Variants in MARCHF8 observed in about 807,000 individuals in gnomAD.
The protein encoded by MARCHF8 is E3 ubiquitin-protein ligase MARCHF8.
MARCHF8 carries 40 observed loss-of-function variants against 51.6 expected under a neutral mutation model. That is an observed-to-expected ratio of 0.77 (90% CI 0.60 to 1.01). The LOEUF (loss-of-function observed/expected upper bound fraction) is 1.01, where lower values mean the gene tolerates loss of function less well. Ranked by LOEUF, MARCHF8 falls within the 50% of genes least tolerant of loss-of-function variation. MARCHF8 has a pLI of 0.00. For missense variants in MARCHF8, 685 were observed against 708.6 expected (o/e 0.97, Z 0.38); for synonymous variants, 263 against 280.3 (o/e 0.94, Z 0.62).
intron 2 of MARCHF8, among the ~76,000 whole-genome samples, chr10:45,495,543 A>G (rs896471328): frequency 1.1e-4 from 17 of 152,062 alleles, no homozygotes; most frequent in Non-Finnish European, 7.4e-5. Context: ...TACTTCCCTT[A>G]TATGATTAAA....
chr10:45,455,959 G>A lies in MARCHF8; in HGVS notation c.*2280C>T, dbSNP rs1045647266. On this transcript the variant is annotated 3_prime_UTR_variant, in exon 8 of 8. Coordinates refer to ENST00000453424, the MANE Select transcript of MARCHF8 (RefSeq NM_001282866.2). ...TAGTGGGGTGCCAGCTACATTGGGTGGGATGCCCAGGGGCTGTCCCTACCT... is the reference window on the plus strand; with the variant it reads ...TAGTGGGGTGCCAGCTACATTGGGTAGGATGCCCAGGGGCTGTCCCTACCT... 3 of 152,258 alleles carry A rather than the reference G, an allele frequency of 2.0e-5. No individual in the cohort carries two copies. The highest frequency in any genetic ancestry group is 7.2e-5 in the African/African-American group (3 of 41,452). 9.4% of individuals were successfully genotyped at this position (152,258 alleles called of 1,614,324 possible).
intron 3 of MARCHF8, among the ~76,000 whole-genome samples, chr10:45,475,965 C>T (rs34661476): frequency 0.062 from 9,433 of 152,184 alleles, 330 homozygotes; most frequent in Non-Finnish European, 0.067. Context: ...ACAAACATGA[C>T]TTATAGCCAA....
At chr10:45,552,111 TC>T (rs1269690652) in intron 1 of MARCHF8, among the ~76,000 whole-genome samples, 1 of 152,122 alleles carries the variant, frequency 6.6e-6, no homozygotes, top group Non-Finnish European at 1.5e-5. Context: ...AATTTGTGCT[TC>T]CTTATGACTA....
intron 1 of MARCHF8, among the ~76,000 whole-genome samples, chr10:45,542,302 G>A (rs756816636): frequency 1.1e-4 from 14 of 128,866 alleles, no homozygotes; most frequent in Non-Finnish European, 1.5e-4. Flanking sequence ...AGCCGAGACC[G>A]TCCTACCGCA....
intron 2 of MARCHF8, among the ~76,000 whole-genome samples, chr10:45,530,877 GGA>G: frequency 6.6e-6 from 1 of 152,156 alleles, no homozygotes; most frequent in African/African-American, 2.4e-5. Context: ...ACAGAAAAGA[GGA>G]CTAAAACTGT....
At chr10:45,462,720 G>C (rs1294593737) in intron 5 of MARCHF8, among the ~76,000 whole-genome samples, 3 of 151,922 alleles carry the variant, frequency 2.0e-5, no homozygotes, top group Non-Finnish European at 4.4e-5. Context: ...CCGCCTCCCG[G>C]GTTCAAGCAA....
rs112327057 is a variant in MARCHF8 at position 45,527,617 on chromosome 10, A to T, written c.102+5493T>A. On this transcript the variant is annotated intron_variant, in intron 2 of 7. Coordinates refer to ENST00000453424, the MANE Select transcript of MARCHF8 (RefSeq NM_001282866.2). ...GTAAGACTTAACCAGTAATAAAAAT[A>T]AAAAAAAATCTCCCAACAACAAAAA... Among the ~76,000 whole-genome samples the T allele has an allele frequency of 1.1e-4, 16 of 151,302 alleles. No individual in the cohort carries two copies. In the East Asian group the frequency reaches 2.3e-3, roughly 22 times the overall value.
At chr10:45,547,497 C>T (rs1024437400) in intron 1 of MARCHF8, among the ~76,000 whole-genome samples, 3 of 152,090 alleles carry the variant, frequency 2.0e-5, no homozygotes, top group African/African-American at 4.8e-5. Flanking sequence ...CCTGACTAAG[C>T]GGGGATTCCA....
intron 3 of MARCHF8, among the ~76,000 whole-genome samples, chr10:45,485,002 T>C (rs1033588070): frequency 6.6e-5 from 10 of 152,186 alleles, no homozygotes; most frequent in African/African-American, 2.2e-4. Flanking sequence ...TGGTTTGGGA[T>C]AGATTCTTGA....
chr10:45,514,128 G>A (rs926014759), intron 2 of MARCHF8, among the ~76,000 whole-genome samples: 12 of 152,128 alleles, frequency 7.9e-5, no homozygotes, highest in African/African-American at 2.7e-4. Context: ...AATACTTTTC[G>A]CAATTTCAAG....
chr10:45,566,767 T>C (rs759983002), intron 1 of MARCHF8, among the ~76,000 whole-genome samples: 6 of 121,556 alleles, frequency 4.9e-5, no homozygotes, highest in Non-Finnish European at 8.4e-5. Flanking sequence ...ATTGATTTCT[T>C]TCTGGCGGGG....
rs990552972 is a variant in MARCHF8, at chr10:45,457,541, C to A, written c.*698G>T. The A allele has an allele frequency of 1.3e-5, 2 of 152,612 alleles. No individual in the cohort carries two copies. Among genetic ancestry groups the A allele is most frequent in the Non-Finnish European group, 1.5e-5 (1 of 68,040 alleles). The allele number at this position is 152,612 out of a possible 1,614,324, so 9.5% of individuals were successfully genotyped here. A position where few individuals can be genotyped will look rare whatever the true frequency, so the allele number is the denominator to read the frequency against. Reference sequence around the variant, plus strand: ...ATGTAAGGCAAAATGGATTTTTGATCTCTCATGATGTAAAGGAGATACAAA... The same window carrying A: ...ATGTAAGGCAAAATGGATTTTTGATATCTCATGATGTAAAGGAGATACAAA... On this transcript the variant is annotated 3_prime_UTR_variant, in exon 8 of 8. Transcript: ENST00000453424.
intron 1 of MARCHF8, among the ~76,000 whole-genome samples, chr10:45,588,389 T>C (rs1245787325): frequency 6.6e-6 from 1 of 152,210 alleles, no homozygotes; most frequent in Non-Finnish European, 1.5e-5. Context: ...TGATGATTCT[T>C]TTTTGAGTGC....
chr10:45,590,063 CTTA>C (rs1239558107), intron 1 of MARCHF8, among the ~76,000 whole-genome samples: 3 of 152,168 alleles, frequency 2.0e-5, no homozygotes, highest in African/African-American at 7.2e-5. Context: ...ATCACCAACA[CTTA>C]TTATTACCTG....
At chr10:45,490,595 C>T (rs938268875) in intron 2 of MARCHF8, among the ~76,000 whole-genome samples, 5 of 151,824 alleles carry the variant, frequency 3.3e-5, no homozygotes, top group East Asian at 1.9e-4. Flanking sequence ...CAAACAACTA[C>T]GATCATCTTC....
chr10:45,467,563 C>G (rs544390091), intron 3 of MARCHF8, among the ~76,000 whole-genome samples: 3 of 152,272 alleles, frequency 2.0e-5, no homozygotes, highest in Admixed American at 1.3e-4. Flanking sequence ...GCCTGATCAA[C>G]AACAAAATGA....
At chr10:45,548,530 A>C (rs2044155117) in intron 1 of MARCHF8, among the ~76,000 whole-genome samples, 1 of 152,238 alleles carries the variant, frequency 6.6e-6, no homozygotes, top group Non-Finnish European at 1.5e-5. Flanking sequence ...ATCTCAGGGA[A>C]ATTATGGAAT....
At chr10:45,587,106 G>A (rs532157837) in intron 1 of MARCHF8, among the ~76,000 whole-genome samples, 1 of 152,216 alleles carries the variant, frequency 6.6e-6, no homozygotes, top group African/African-American at 2.4e-5. Flanking sequence ...GTCCTCATCA[G>A]TGTCATAAGG....
Position 45,593,716 on chromosome 10 carries a change from C to T in MARCHF8, c.-79+519G>A, listed in dbSNP as rs538588860. 51 of 152,288 alleles carry T rather than the reference C, an allele frequency of 3.3e-4. No homozygotes were observed. In the East Asian group the frequency reaches 9.6e-3, roughly 29 times the overall value. 9.4% of individuals were successfully genotyped at this position (152,288 alleles called of 1,614,324 possible). A position where few individuals can be genotyped will look rare whatever the true frequency, so the allele number is the denominator to read the frequency against. On this transcript the variant is annotated intron_variant, in intron 1 of 6. Transcript: ENST00000319836. Reference sequence around the variant, plus strand: ...ATGCAAGGAAACATGGAAAGAGAAACGTCTTTATCAGAAATTTTGGGGCCA... The same window carrying T: ...ATGCAAGGAAACATGGAAAGAGAAATGTCTTTATCAGAAATTTTGGGGCCA...
Sources: gnomAD v4.1 joint callset for allele counts (sites outside exome capture counted in the v4.1 genomes callset) on GRCh38, gnomAD v4.1.1 for gene constraint, MANE v1.5 for transcripts, NCBI Gene and HGNC (gene_info 2026-07-23, HGNC 2026-07-21) for gene names.